PICALM: variants seen among roughly 807,000 people sequenced by gnomAD.
PICALM encodes the protein phosphatidylinositol binding clathrin assembly protein, also known as phosphatidylinositol-binding clathrin assembly protein.
A neutral mutation model predicts 80.5 loss-of-function variants in PICALM; 40 were observed. That is an observed-to-expected ratio of 0.50 (90% CI 0.39 to 0.65). The LOEUF is 0.65. PICALM is among the 30% of genes least tolerant of loss of function. PICALM has a pLI of 0.00. For missense variants in PICALM, 676 were observed against 778.9 expected, an observed-to-expected ratio of 0.87 and a Z score of 1.57; for synonymous variants, 288 against 260.3, an observed-to-expected ratio of 1.11 and a Z score of -1.02.
At chr11:86,061,915 T>C (rs557610496) in intron 1 of PICALM, among the ~76,000 whole-genome samples, 5 of 147,602 alleles carry the variant, frequency 3.4e-5, no homozygotes, top group Admixed American at 6.8e-5. Context: ...GATAATAGAA[T>C]AGTCAAGTGC....
intron 1 of PICALM, among the ~76,000 whole-genome samples, chr11:86,045,778 T>G (rs1050006331): frequency 3.3e-5 from 5 of 152,176 alleles, no homozygotes. Flanking sequence ...TGTGAGAAAG[T>G]AATATACATT....
intron 9 of PICALM, among the ~76,000 whole-genome samples, chr11:86,002,499 T>A (rs1053181393): frequency 5.3e-4 from 80 of 152,366 alleles, no homozygotes; most frequent in Non-Finnish European, 1.5e-5. Context: ...ATGATTTCTG[T>A]TACTTTCAAT....
In PICALM at chr11:86,011,109, T is replaced by A; in HGVS notation, c.686A>T (p.Gln229Leu). Residue 229 changes from glutamine (Q) to leucine (L), a missense_variant, in exon 7 of 20, where the codon CAA (glutamine) becomes CTA (leucine). By Grantham distance (113) the Gln-to-Leu change is moderately radical. Coordinates refer to ENST00000393346, the MANE Select transcript of PICALM (RefSeq NM_007166.4). ...LEKYFDMKKN[Q>L]CKEGLDIYKK... ...ATAGATGTCAAGACCTTCTTTGCAT[T>A]GGTTCTTTTTCATATCAAAATATTT... The A allele has an allele frequency of 6.8e-7, 1 of 1,477,152 alleles. No homozygotes were observed. The highest frequency in any genetic ancestry group is 1.2e-5 in the South Asian group (1 of 83,220). The allele number at this position is 1,477,152 out of a possible 1,614,324, so 91.5% of individuals were successfully genotyped here. A position where few individuals can be genotyped will look rare whatever the true frequency, so the allele number is the denominator to read the frequency against.
intron 18 of PICALM, among the ~76,000 whole-genome samples, chr11:85,975,323 A>G (rs1278629655): frequency 6.6e-6 from 1 of 152,202 alleles, no homozygotes; most frequent in Non-Finnish European, 1.5e-5. Flanking sequence ...AGCTTAAACT[A>G]CAAACCAGAG....
At position 86,005,394 on chromosome 11, in the gene PICALM, A is replaced by T. The variant is rs1029499440; in HGVS notation, c.808-1943T>A. ...ATATCTGGCTATTTTTCAAAAGTCAAATCCACACGACAAAGAGTGAGGAGG... is the reference window on the plus strand; with the variant it reads ...ATATCTGGCTATTTTTCAAAAGTCATATCCACACGACAAAGAGTGAGGAGG... On this transcript the variant is annotated intron_variant, in intron 8 of 19. Transcript: ENST00000393346. 2.0e-4 allele frequency among the ~76,000 whole-genome samples: 30 copies of T among 152,208 alleles called. 1 individual carries two copies. Among genetic ancestry groups the T allele is most frequent in the Admixed American group, 5.2e-4 (8 of 15,268 alleles).
At chr11:86,042,933 G>A (rs1384916589) in intron 1 of PICALM, among the ~76,000 whole-genome samples, 1 of 152,110 alleles carries the variant, frequency 6.6e-6, no homozygotes, top group Non-Finnish European at 1.5e-5. Flanking sequence ...ATTATTTATA[G>A]ATAATTCTGG....
At position 85,996,813 on chromosome 11, in the gene PICALM, C is replaced by A. The variant is rs756456019; in HGVS notation, c.1258+13G>T. ...TGCATGTAACATCTAAAATAGAATT[C>A]ATCAATGCTTACCTCCCCATGTACT... On this transcript the variant is annotated intron_variant, in intron 12 of 19. Transcript: ENST00000393346. 1 of 1,439,476 alleles carries A rather than the reference C, an allele frequency of 6.9e-7. No individual in the cohort carries two copies. Among genetic ancestry groups the A allele is most frequent in the South Asian group, 1.1e-5 (1 of 87,012 alleles). 89.2% of individuals were successfully genotyped at this position (1,439,476 alleles called of 1,614,324 possible).
At chr11:86,042,931 T>C (rs934708202) in intron 1 of PICALM, among the ~76,000 whole-genome samples, 1 of 152,150 alleles carries the variant, frequency 6.6e-6, no homozygotes, top group African/African-American at 2.4e-5. Flanking sequence ...TAATTATTTA[T>C]AGATAATTCT....
Position 86,003,512 on chromosome 11 carries a change from A to G in PICALM, c.808-61T>C. 3.8e-6 allele frequency: 4 copies of G among 1,044,352 alleles called. No individual in the cohort carries two copies. In the South Asian group the frequency reaches 6.2e-5, roughly 16 times the overall value. 64.7% of individuals were successfully genotyped at this position (1,044,352 alleles called of 1,614,324 possible). ...TTAGGCCACTGGTCAAATTAAATCA[A>G]GTATCATCTAATTAGAGAGCAACAA... is the stretch of plus-strand genomic sequence containing the variant. On this transcript the variant is annotated intron_variant, in intron 8 of 19. Coordinates refer to ENST00000393346, the MANE Select transcript of PICALM (RefSeq NM_007166.4).
chr11:86,021,126 C>T (rs1057137409), intron 4 of PICALM, among the ~76,000 whole-genome samples: 5 of 152,122 alleles, frequency 3.3e-5, no homozygotes, highest in Non-Finnish European at 7.3e-5. Flanking sequence ...AATGGGAAGA[C>T]TGCTTGAGCC....
At chr11:85,998,563 C>T (rs988554831) in intron 11 of PICALM, among the ~76,000 whole-genome samples, 3 of 151,802 alleles carry the variant, frequency 2.0e-5, no homozygotes, top group Admixed American at 1.3e-4. Flanking sequence ...GAGGCTGAGG[C>T]GTGCGGACTG....
intron 19 of PICALM, among the ~76,000 whole-genome samples, chr11:85,966,222 C>G (rs538580601): frequency 1.1e-4 from 17 of 150,226 alleles, no homozygotes; most frequent in South Asian, 4.2e-4. Flanking sequence ...TTTTCCCCCC[C>G]CAAAGACAGG....
intron 19 of PICALM, among the ~76,000 whole-genome samples, chr11:85,966,773 A>G (rs1452050324): frequency 4.6e-5 from 7 of 152,176 alleles, no homozygotes; most frequent in Non-Finnish European, 8.8e-5. Flanking sequence ...AGGCACGTGG[A>G]GGTAGAGACC....
intron 5 of PICALM, among the ~76,000 whole-genome samples, chr11:86,013,747 T>C (rs901308157): frequency 6.6e-6 from 1 of 152,228 alleles, no homozygotes; most frequent in South Asian, 2.1e-4. Flanking sequence ...ACTGCATCAG[T>C]ACCCCATGCC....
chr11:86,026,146 A>G, intron 3 of PICALM, 146 bp downstream of exon 3: 1 of 579,300 alleles, frequency 1.7e-6, no homozygotes, highest in South Asian at 2.2e-5. Flanking sequence ...TCTTCAAATT[A>G]AAAGACAGTT....
At chr11:86,058,918 T>C (rs1400604552) in intron 1 of PICALM, among the ~76,000 whole-genome samples, 1 of 152,250 alleles carries the variant, frequency 6.6e-6, no homozygotes, top group Non-Finnish European at 1.5e-5. Flanking sequence ...ATTTCAAGAA[T>C]ATGTCCTCAA....
chr11:86,061,524 C>T (rs867924778), intron 1 of PICALM, among the ~76,000 whole-genome samples: 49 of 151,994 alleles, frequency 3.2e-4, no homozygotes, highest in African/African-American at 1.1e-3. Flanking sequence ...AAAAAAGTCA[C>T]ATAATCAGGA....
chr11:86,069,355 G>C (rs1233970322), upstream of PICALM: 1 of 157,574 alleles, frequency 6.3e-6, no homozygotes, highest in Non-Finnish European at 1.4e-5. Context: ...CTCGGCCCGC[G>C]GGGTCACAGA....
intron 7 of PICALM, among the ~76,000 whole-genome samples, chr11:86,008,456 C>G (rs1450342311): frequency 3.9e-5 from 6 of 151,986 alleles, no homozygotes; most frequent in African/African-American, 1.5e-4. Flanking sequence ...CCCAGCTCTA[C>G]TAAAAATACA....
Sources: gnomAD v4.1 joint callset for allele counts (sites outside exome capture counted in the v4.1 genomes callset) on GRCh38, gnomAD v4.1.1 for gene constraint, MANE v1.5 for transcripts, NCBI Gene and HGNC (gene_info 2026-07-23, HGNC 2026-07-21) for gene names.